NEMF: variants seen among roughly 807,000 people sequenced by gnomAD.
NEMF encodes ribosome quality control complex subunit NEMF.
NEMF carries 89 observed loss-of-function variants against 162.2 expected under a neutral mutation model. That is an observed-to-expected ratio of 0.55 (90% CI 0.46 to 0.65). The LOEUF is 0.65. Ranked by LOEUF, NEMF falls within the 30% of genes least tolerant of loss-of-function variation. NEMF has a pLI of 0.00. For missense variants in NEMF, 1,133 were observed against 1,261.9 expected, an observed-to-expected ratio of 0.90 and a Z score of 1.55; for synonymous variants, 421 against 404.5, an observed-to-expected ratio of 1.04 and a Z score of -0.49.
At chr14:49,839,152 A>G (rs1332012525) in intron 5 of NEMF, among the ~76,000 whole-genome samples, 1 of 150,186 alleles carries the variant, frequency 6.7e-6, no homozygotes, top group Non-Finnish European at 1.5e-5. Flanking sequence ...ATCTCAGCTC[A>G]CTGCAACCTC....
chr14:49,822,375 G>T (rs896851080), intron 16 of NEMF, among the ~76,000 whole-genome samples: 2 of 150,274 alleles, frequency 1.3e-5, no homozygotes, highest in Admixed American at 1.3e-4. Context: ...ACAAAAGTTA[G>T]CCGGGCATGG....
intron 26 of NEMF, among the ~76,000 whole-genome samples, chr14:49,793,774 G>C (rs1174198634): frequency 1.3e-5 from 2 of 152,056 alleles, no homozygotes; most frequent in Non-Finnish European, 2.9e-5. Context: ...GAATTGCTGA[G>C]TCAAAGGGCA....
At chr14:49,829,290 T>A (rs770050454) in intron 12 of NEMF, 28 bp from the exon 13 acceptor site, 11 of 1,613,114 alleles carry the variant, frequency 6.8e-6, no homozygotes, top group Middle Eastern at 1.7e-4. Context: ...ACACATTTAC[T>A]ACATTGCCAG....
chr14:49,844,132 A>C (rs193266886), intron 4 of NEMF, among the ~76,000 whole-genome samples: 148 of 151,458 alleles, frequency 9.8e-4, no homozygotes, highest in African/African-American at 3.2e-3. Flanking sequence ...CAAAAAAAAA[A>C]CCGCAGTCCC....
At chr14:49,827,813 CAA>C (rs749485902) in intron 15 of NEMF, among the ~76,000 whole-genome samples, 6 of 124,782 alleles carry the variant, frequency 4.8e-5, no homozygotes, top group African/African-American at 8.9e-5. Context: ...AACTCCATCG[CAA>C]AAAAAAAAAA....
intron 3 of NEMF, among the ~76,000 whole-genome samples, chr14:49,846,674 A>G (rs1893518661): frequency 6.6e-6 from 1 of 152,208 alleles, no homozygotes; most frequent in African/African-American, 2.4e-5. Context: ...TATGTTGCCC[A>G]GGCTAATCTC....
intron 4 of NEMF, among the ~76,000 whole-genome samples, chr14:49,842,684 T>A (rs112055590): frequency 2.6e-5 from 4 of 152,230 alleles, no homozygotes; most frequent in African/African-American, 9.6e-5. Context: ...GTTAGAGAGA[T>A]AGATAACCAG....
intron 1 of NEMF, among the ~76,000 whole-genome samples, chr14:49,852,310 G>C (rs1458132497): frequency 6.6e-6 from 1 of 152,130 alleles, no homozygotes; most frequent in African/African-American, 2.4e-5. Context: ...TCTCTCTCTG[G>C]GGTGAGGGGA....
intron 16 of NEMF, among the ~76,000 whole-genome samples, chr14:49,823,522 G>A (rs986583330): frequency 6.6e-6 from 1 of 151,876 alleles, no homozygotes; most frequent in Non-Finnish European, 1.5e-5. Flanking sequence ...AAGATTTGGT[G>A]GAAGATAAAG....
At chr14:49,832,329 ACTT>A in intron 8 of NEMF, 52 bp from the exon 9 acceptor site, 3 of 1,190,850 alleles carry the variant, frequency 2.5e-6, no homozygotes, top group African/African-American at 2.4e-5. Flanking sequence ...ACAAAGATTT[ACTT>A]CTTTTTTTTT....
At chr14:49,820,557 T>TC (rs1891956246) in intron 16 of NEMF, 1 of 453,774 alleles carries the variant, frequency 2.2e-6, no homozygotes, top group Admixed American at 2.4e-5. Flanking sequence ...TCACTTGAGG[T>TC]CAGGAGTTCG....
At chr14:49,807,979 T>G (rs969104475) in intron 18 of NEMF, among the ~76,000 whole-genome samples, 4 of 152,100 alleles carry the variant, frequency 2.6e-5, no homozygotes, top group Non-Finnish European at 4.4e-5. Flanking sequence ...TTGTTGGCCA[T>G]TCACGTATCT....
chr14:49,791,418 G>C (rs1594726263), intron 26 of NEMF, among the ~76,000 whole-genome samples: 1 of 151,912 alleles, frequency 6.6e-6, no homozygotes, highest in South Asian at 2.1e-4. Flanking sequence ...TATCTGAGTG[G>C]TGGTTTCACA....
chr14:49,818,767 T>A (rs1428229078), intron 16 of NEMF, among the ~76,000 whole-genome samples: 16 of 151,804 alleles, frequency 1.1e-4, no homozygotes, highest in Non-Finnish European at 1.9e-4. Flanking sequence ...AGCCTATTAT[T>A]TCCACTGGGC....
chr14:49,803,803 C>A (rs556277494), intron 19 of NEMF, among the ~76,000 whole-genome samples: 1 of 151,926 alleles, frequency 6.6e-6, no homozygotes, highest in Non-Finnish European at 1.5e-5. Flanking sequence ...GGATTACAGG[C>A]GTGAGCCACT....
intron 22 of NEMF, 164 bp from the exon 23 acceptor site, chr14:49,800,860 A>C (rs1241140841): frequency 1.6e-6 from 1 of 627,934 alleles, no homozygotes; most frequent in Non-Finnish European, 2.7e-6. Flanking sequence ...CAAAAGAATA[A>C]CCTGTATCAT....
rs1007099059 is a variant in NEMF, at chr14:49,829,141, A to G, written c.1145T>C (p.Val382Ala). The change falls in exon 13 of 33, where the codon GTG becomes GCG. Residue 382 changes from valine (V) to alanine (A), a missense_variant. Around this residue, in one of 3 missense-constraint regions of NEMF, gnomAD observed 582 missense variants for 631.5 expected, o/e 0.92. Transcript: ENST00000298310. ...GTCTCCTTGAGCCTGGGCTTCTTTCACAATTAACCCAATTTCTGTCCAATC... is the reference window on the plus strand; with the variant it reads ...GTCTCCTTGAGCCTGGGCTTCTTTCGCAATTAACCCAATTTCTGTCCAATC... ...QIDWTEIGLIVKEAQAQGDPV... is the reference protein window; with the variant it reads ...QIDWTEIGLIAKEAQAQGDPV... The G allele has an allele frequency of 6.2e-7, 1 of 1,614,126 alleles. No individual in the cohort carries two copies. Among genetic ancestry groups the G allele is most frequent in the Non-Finnish European group, 8.5e-7 (1 of 1,179,992 alleles).
rs755988306 is a variant in NEMF, at chr14:49,829,083, T to G, written c.1203A>C (p.Leu401=). ...GCAGCATTGTAACATGGTTTGTTTG[T>G]AGTTTTAATTCTTTGATTGCACTTG... ...PVASAIKELK[L]QTNHVTMLLR... Residue 401 remains leucine (L), a synonymous_variant, in exon 13 of 33, where the codon CTA becomes CTC. Coordinates refer to ENST00000298310, the MANE Select transcript of NEMF (RefSeq NM_004713.6). 4.3e-6 allele frequency: 7 copies of G among 1,614,060 alleles called. No homozygotes were observed. Among genetic ancestry groups the G allele is most frequent in the Non-Finnish European group, 1.7e-6 (2 of 1,180,010 alleles).
At chr14:49,807,379 G>A (rs773595752) in intron 18 of NEMF, among the ~76,000 whole-genome samples, 2 of 152,058 alleles carry the variant, frequency 1.3e-5, no homozygotes, top group Admixed American at 6.5e-5. Flanking sequence ...ACATACCTTT[G>A]CTCATCTTGG....
Sources: gnomAD v4.1 joint callset for allele counts (sites outside exome capture counted in the v4.1 genomes callset) on GRCh38, gnomAD v4.1.1 for gene constraint, gnomAD v4.1.1 regional missense constraint, MANE v1.5 for transcripts, NCBI Gene and HGNC (gene_info 2026-07-23, HGNC 2026-07-21) for gene names.